The following MCM9 variants were observed in gnomAD, a reference collection of about 807,000 sequenced individuals.
MCM9 encodes minichromosome maintenance 9 homologous recombination repair factor, also known as DNA helicase MCM9.
Under a neutral mutation model 72.8 loss-of-function variants are expected in MCM9, and 55 were observed. The ratio of observed to expected loss-of-function variants is 0.76; its 90% CI spans 0.61 to 0.95. MCM9 has a LOEUF of 0.95. MCM9 is among the 40% of genes least tolerant of loss of function. MCM9 has a pLI of 0.00. For missense variants in MCM9, 1,279 were observed against 1,377.0 expected (o/e 0.93, Z 1.13); for synonymous variants, 480 against 503.4 (o/e 0.95, Z 0.62).
At chr6:118,902,242 G>T (rs1779845294) in intron 8 of MCM9, among the ~76,000 whole-genome samples, 1 of 152,166 alleles carries the variant, frequency 6.6e-6, no homozygotes. Flanking sequence ...TTAGCCATGT[G>T]TGGCTTTACC....
At position 118,828,038 on chromosome 6, in the gene MCM9, C is replaced by CA. The variant is rs201519634; in HGVS notation, c.1620dup (p.Val541CysfsTer17). 6.4e-7 allele frequency: 1 copy of CA among 1,550,712 alleles called. No homozygotes were observed. Among genetic ancestry groups the CA allele is most frequent in the Non-Finnish European group, 8.7e-7 (1 of 1,147,054 alleles). ...TACCGGAGAAGAACCTGATTGCCCA[C>CA]ATCAGACAGTGTGGGCTGCAGATTC... On this transcript the variant is annotated frameshift_variant, in exon 11 of 14. Transcript: ENST00000619706. LOFTEE classifies it high-confidence loss of function.
chr6:118,815,156 C>T lies in MCM9; in HGVS notation c.3100G>A (p.Glu1034Lys), dbSNP rs761266337. Residue 1034 changes from glutamate (E) to lysine (K), a missense_variant, in exon 14 of 14, where the codon GAG becomes AAG. Physicochemically the swap from Glu to Lys is moderately conservative, Grantham distance 56 (BLOSUM62 1). Transcript: ENST00000619706. Reference protein sequence around the residue: ...NETGCAHLTCEGDKKEEVSGS... With the variant: ...NETGCAHLTCKGDKKEEVSGS... ...GAAACCTCTTCCTTTTTGTCTCCCT[C>T]ACAAGTAAGATGAGCACACCCAGTC... 145 of 1,550,408 alleles carry T rather than the reference C, an allele frequency of 9.4e-5. 2 individuals carry two copies. The South Asian group carries it at 1.0e-3, about 11-fold the overall frequency.
At chr6:118,898,272 A>G (rs1779570854) in intron 8 of MCM9, among the ~76,000 whole-genome samples, 1 of 152,198 alleles carries the variant, frequency 6.6e-6, no homozygotes, top group African/African-American at 2.4e-5. Context: ...TGCCCAGTAT[A>G]TAGTAGGTAT....
At chr6:118,905,652 G>A in intron 8 of MCM9, 1 of 1,603,472 alleles carries the variant, frequency 6.2e-7, no homozygotes, top group Non-Finnish European at 8.5e-7. Flanking sequence ...TTTATTCTAG[G>A]CTGATGCACC....
intron 6 of MCM9, 151 bp from the exon 7 acceptor site, chr6:118,913,571 T>G: frequency 2.0e-6 from 2 of 1,014,368 alleles, no homozygotes; most frequent in Non-Finnish European, 2.8e-6. Context: ...CCAACAGGAT[T>G]AAAGGAGGAA....
In MCM9 at chr6:118,869,912, C is replaced by T. The variant is rs140857884; in HGVS notation, c.1151-13367G>A. Among the ~76,000 whole-genome samples, 203 of 152,238 alleles carry T rather than the reference C, an allele frequency of 1.3e-3. No homozygotes were observed. In the East Asian group the frequency reaches 0.018, roughly 14 times the overall value. ...AACTGCAAAAAGAGACAAAGAACATCATTATATAGTAAGAACGGTATCCAT... is the reference window on the plus strand; with the variant it reads ...AACTGCAAAAAGAGACAAAGAACATTATTATATAGTAAGAACGGTATCCAT... On this transcript the variant is annotated intron_variant, in intron 8 of 13. Transcript: ENST00000619706.
chr6:118,819,836 G>C (rs953005378), intron 13 of MCM9, among the ~76,000 whole-genome samples: 6 of 152,044 alleles, frequency 3.9e-5, no homozygotes, highest in Admixed American at 6.5e-5. Context: ...ACTTCTTCCT[G>C]GTTTAGTCTT....
intron 3 of MCM9, among the ~76,000 whole-genome samples, chr6:118,924,870 C>T (rs1328507920): frequency 6.6e-6 from 1 of 152,006 alleles, no homozygotes; most frequent in Non-Finnish European, 1.5e-5. Flanking sequence ...ATAGTGGGAC[C>T]CCATCCCTAT....
intron 8 of MCM9, among the ~76,000 whole-genome samples, chr6:118,857,626 C>CAAAAA (rs1203197065): frequency 9.5e-4 from 67 of 70,776 alleles, no homozygotes; most frequent in Middle Eastern, 0.01. Flanking sequence ...CCAGACTGAC[C>CAAAAA]AAAAAAAAAA....
At chr6:118,868,220 A>G (rs1777350207) in intron 8 of MCM9, among the ~76,000 whole-genome samples, 1 of 152,210 alleles carries the variant, frequency 6.6e-6, no homozygotes, top group Non-Finnish European at 1.5e-5. Flanking sequence ...TAAAAGAACT[A>G]AAGCTACAAT....
Position 118,826,817 on chromosome 6 carries a change from T to C in MCM9, c.1780A>G (p.Ile594Val), listed in dbSNP as rs1242279160. 3.2e-6 allele frequency: 5 copies of C among 1,550,462 alleles called. No individual in the cohort carries two copies. In the East Asian group the frequency reaches 9.8e-5, roughly 30 times the overall value. ...GACTCCATGACTGACACCACCGTAA[T>C]AGCGTCTTCCAGAGTTACAGTATCA... ...FRDTVTLEDA[I>V]TVVSVMESSM... Residue 594 changes from isoleucine to valine, a missense_variant, in exon 12 of 14, where the codon ATT becomes GTT. Transcript: ENST00000619706.
intron 8 of MCM9, among the ~76,000 whole-genome samples, chr6:118,874,786 A>C (rs190396018): frequency 2.2e-4 from 33 of 152,368 alleles, no homozygotes; most frequent in Admixed American, 5.2e-4. Context: ...TATATCAAGA[A>C]TGAACAAGGT....
At position 118,887,896 on chromosome 6, in the gene MCM9, C is replaced by G. The variant is rs865909904; in HGVS notation, c.1150+23754G>C. On this transcript the variant is annotated intron_variant, in intron 8 of 13. Transcript: ENST00000619706. ...GGAAGATCACTTGAGCCCAGGAGTT[C>G]AAGTCCAGCCAGGGCAACAGAGTGA... is the stretch of plus-strand genomic sequence containing the variant. Among the ~76,000 whole-genome samples the G allele has an allele frequency of 9.2e-5, 14 of 152,180 alleles. No homozygotes were observed. The East Asian group carries it at 1.9e-3, about 21-fold the overall frequency.
intron 8 of MCM9, among the ~76,000 whole-genome samples, chr6:118,864,052 A>G (rs986607540): frequency 1.3e-5 from 2 of 151,598 alleles, no homozygotes; most frequent in African/African-American, 2.4e-5. Context: ...CACAAAACCC[A>G]TATTTCATTT....
chr6:118,917,934 G>C, intron 5 of MCM9, 173 bp from the exon 6 acceptor site: 5 of 601,626 alleles, frequency 8.3e-6, no homozygotes, highest in Non-Finnish European at 1.5e-5. Flanking sequence ...ATTCTTGACT[G>C]TTGTCCCCCA....
chr6:118,912,935 A>G (rs539296273), intron 7 of MCM9: 19 of 167,772 alleles, frequency 1.1e-4, no homozygotes, highest in Admixed American at 7.7e-4. Context: ...AGATGGAGAG[A>G]CGCTGACTGG....
intron 8 of MCM9, among the ~76,000 whole-genome samples, chr6:118,903,524 T>C (rs1334360942): frequency 6.6e-6 from 1 of 151,546 alleles, no homozygotes; most frequent in Non-Finnish European, 1.5e-5. Flanking sequence ...AAAATAAACA[T>C]GTTTAGATCA....
rs190219997 is a variant in MCM9, at chr6:118,816,132, G to A, written c.2124C>T (p.Pro708=). ...GGGGATCTAGAACTGGGCTTCCCTC[G>A]GGGCTGCCTCCAGGAGAGAAGATAT... ...STHIFSPGGS[P]EGSPVLDPPP... is the part of the protein sequence containing the mutation. Residue 708 remains proline, a synonymous_variant, in exon 14 of 14, where the codon CCC becomes CCT. Transcript: ENST00000619706. The A allele has an allele frequency of 1.7e-4, 256 of 1,550,318 alleles. 2 individuals are homozygous for A. The African/African-American group carries it at 3.0e-3, about 18-fold the overall frequency.
At chr6:118,895,977 T>C (rs1261128988) in intron 8 of MCM9, among the ~76,000 whole-genome samples, 4 of 151,974 alleles carry the variant, frequency 2.6e-5, no homozygotes, top group Admixed American at 2.0e-4. Flanking sequence ...AACAGTTCTC[T>C]GTACTCAGTG....
Sources: gnomAD v4.1 joint callset for allele counts (sites outside exome capture counted in the v4.1 genomes callset) on GRCh38, gnomAD v4.1.1 for gene constraint, MANE v1.5 for transcripts, NCBI Gene and HGNC (gene_info 2026-07-23, HGNC 2026-07-21) for gene names.